SORCS1: variants seen among roughly 807,000 people sequenced by gnomAD.
The protein encoded by SORCS1 is sortilin related VPS10 domain containing receptor 1.
Under a neutral mutation model 146.1 loss-of-function variants are expected in SORCS1, and 60 were observed. That is an observed-to-expected ratio of 0.41 (90% CI 0.33 to 0.51). The LOEUF (loss-of-function observed/expected upper bound fraction) is 0.51, where lower values mean the gene tolerates loss of function less well. SORCS1 is among the 20% of genes least tolerant of loss of function. The probability of loss-of-function intolerance (pLI) is 0.21; values close to 1 mark genes in which losing one functional copy is unlikely to be tolerated. For synonymous variants in SORCS1, 637 were observed against 584.0 expected, an observed-to-expected ratio of 1.09 and a Z score of -1.31; for missense variants, 1,352 against 1,487.6, an observed-to-expected ratio of 0.91 and a Z score of 1.50.
intron 17 of SORCS1, among the ~76,000 whole-genome samples, chr10:106,665,485 G>A (rs891237767): frequency 6.6e-6 from 1 of 150,990 alleles, no homozygotes; most frequent in African/African-American, 2.4e-5. Flanking sequence ...AGCCTCCTGA[G>A]TAGCAGGGAC....
intron 8 of SORCS1, among the ~76,000 whole-genome samples, chr10:106,703,817 G>T (rs1421080390): frequency 6.6e-6 from 1 of 152,158 alleles, no homozygotes; most frequent in Non-Finnish European, 1.5e-5. Flanking sequence ...TAATGGGATT[G>T]TAATAAAGAA....
chr10:106,789,809 C>T (rs1475011715), intron 3 of SORCS1, among the ~76,000 whole-genome samples: 1 of 152,252 alleles, frequency 6.6e-6, no homozygotes, highest in Non-Finnish European at 1.5e-5. Context: ...TGTTCTCACA[C>T]TGCTCTAAAG....
chr10:106,945,231 G>T (rs996940689), intron 2 of SORCS1, among the ~76,000 whole-genome samples: 2 of 152,054 alleles, frequency 1.3e-5, no homozygotes, highest in African/African-American at 4.8e-5. Context: ...TTCTTAAAAA[G>T]AAGTTGGTAT....
intron 18 of SORCS1, among the ~76,000 whole-genome samples, chr10:106,649,643 G>A (rs1221949775): frequency 1.3e-5 from 2 of 152,028 alleles, no homozygotes; most frequent in Non-Finnish European, 2.9e-5. Flanking sequence ...TTAATATGTT[G>A]ATATCTTTCA....
intron 1 of SORCS1, among the ~76,000 whole-genome samples, chr10:107,000,257 C>G (rs2139604536): frequency 6.6e-6 from 1 of 152,276 alleles, no homozygotes; most frequent in East Asian, 1.9e-4. Context: ...AGAACATGCT[C>G]CCATCTTTCC....
At chr10:106,733,107 C>CAGAAAAA (rs1554914449) in intron 5 of SORCS1, among the ~76,000 whole-genome samples, 4 of 111,192 alleles carry the variant, frequency 3.6e-5, no homozygotes, top group African/African-American at 1.1e-4. Context: ...TACTCCATTT[C>CAGAAAAA]AAAAAAAAGA....
At chr10:106,740,359 A>C (rs1857279977) in intron 5 of SORCS1, among the ~76,000 whole-genome samples, 1 of 152,154 alleles carries the variant, frequency 6.6e-6, no homozygotes, top group African/African-American at 2.4e-5. Flanking sequence ...GGCATGGCAG[A>C]TGGTTGATTC....
chr10:106,740,260 C>T (rs1339526169), intron 5 of SORCS1, among the ~76,000 whole-genome samples: 4 of 152,128 alleles, frequency 2.6e-5, no homozygotes, highest in Non-Finnish European at 5.9e-5. Flanking sequence ...TCACCAATTA[C>T]CCCCCTAGGG....
At chr10:107,159,580 G>A (rs775965656) in intron 1 of SORCS1, among the ~76,000 whole-genome samples, 37 of 151,988 alleles carry the variant, frequency 2.4e-4, no homozygotes, top group Admixed American at 4.6e-4. Flanking sequence ...AAAAACCTCC[G>A]AAAGATATAC....
chr10:106,654,341 T>C (rs1211292830), intron 17 of SORCS1, among the ~76,000 whole-genome samples: 1 of 152,216 alleles, frequency 6.6e-6, no homozygotes, highest in Admixed American at 6.5e-5. Flanking sequence ...ACTAGTTTTC[T>C]CAAGATCAAA....
chr10:106,927,715 G>A (rs1953136383), intron 2 of SORCS1, among the ~76,000 whole-genome samples: 1 of 152,110 alleles, frequency 6.6e-6, no homozygotes, highest in African/African-American at 2.4e-5. Flanking sequence ...ACAGAGTGTT[G>A]ACACAAAGGT....
intron 24 of SORCS1, among the ~76,000 whole-genome samples, chr10:106,583,278 A>G (rs1015643227): frequency 2.0e-5 from 3 of 152,224 alleles, no homozygotes; most frequent in Admixed American, 6.5e-5. Flanking sequence ...CCCTGGTGAG[A>G]TAATTTGGGG....
chr10:106,722,815 T>C (rs751426861), intron 6 of SORCS1, among the ~76,000 whole-genome samples: 1 of 152,166 alleles, frequency 6.6e-6, no homozygotes, highest in Non-Finnish European at 1.5e-5. Context: ...TACAACTATA[T>C]ATCCATGTGT....
intron 1 of SORCS1, among the ~76,000 whole-genome samples, chr10:107,112,247 T>A (rs1035207689): frequency 1.3e-5 from 2 of 151,814 alleles, no homozygotes; most frequent in African/African-American, 4.8e-5. Context: ...TATAAAAAAA[T>A]GGGAAATGGG....
chr10:107,053,821 T>G (rs1960352348), intron 1 of SORCS1, among the ~76,000 whole-genome samples: 1 of 152,162 alleles, frequency 6.6e-6, no homozygotes, highest in South Asian at 2.1e-4. Context: ...ATCATATAGT[T>G]TACCTCCTGC....
At position 107,164,479 on chromosome 10, in the gene SORCS1, C is replaced by A; in HGVS notation, c.48G>T (p.Ala16=). Residue 16 remains alanine, a synonymous_variant, in exon 1 of 26, where the codon GCG becomes GCT. Coordinates refer to ENST00000263054, the MANE Select transcript of SORCS1 (RefSeq NM_052918.5). This position sits in a 1 kb window ranked among gnomAD's most constrained non-coding sequence, Gnocchi z 6.8. ...TCAAGAGCCCCGCGCCGGCGAGGAG[C>A]GCGCTCAGCCGGGCTTGGGAGCCGC... ...AGGGSQARLS[A]LLAGAGLLIL... 6 of 1,362,768 alleles carry A rather than the reference C, an allele frequency of 4.4e-6. No homozygotes were observed. Among genetic ancestry groups the A allele is most frequent in the Non-Finnish European group, 5.6e-6 (6 of 1,065,694 alleles). 84.4% of individuals were successfully genotyped at this position (1,362,768 alleles called of 1,614,324 possible). A position where few individuals can be genotyped will look rare whatever the true frequency, so the allele number is the denominator to read the frequency against.
At chr10:107,011,053 C>A (rs35840986) in intron 1 of SORCS1, among the ~76,000 whole-genome samples, 2,761 of 152,260 alleles carry the variant, frequency 0.018, 42 homozygotes, top group Middle Eastern at 0.037. Flanking sequence ...CTGGGATGAG[C>A]AGGAGGACAG....
intron 21 of SORCS1, among the ~76,000 whole-genome samples, chr10:106,614,696 A>G (rs1391860366): frequency 6.6e-6 from 1 of 152,242 alleles, no homozygotes; most frequent in East Asian, 1.9e-4. Flanking sequence ...AAAAGGACAC[A>G]AATGAGAAAA....
At chr10:106,701,515 A>T (rs1029513370) in intron 8 of SORCS1, among the ~76,000 whole-genome samples, 7 of 152,222 alleles carry the variant, frequency 4.6e-5, no homozygotes, top group African/African-American at 7.2e-5. Context: ...AGTAAGAATA[A>T]AAAAGAAAAC....
Sources: gnomAD v4.1 joint callset for allele counts (sites outside exome capture counted in the v4.1 genomes callset) on GRCh38, gnomAD v4.1.1 for gene constraint, Gnocchi (gnomAD v3.1) non-coding constraint, MANE v1.5 for transcripts, NCBI Gene and HGNC (gene_info 2026-07-23, HGNC 2026-07-21) for gene names.